Variants in DRC11 observed in about 807,000 individuals in gnomAD.
DRC11 encodes IQ and AAA domain-containing protein 1.
chr2:236,337,865 C>T, the DRC11 span, among the ~76,000 whole-genome samples: 6 of 151,704 alleles, frequency 4.0e-5, no homozygotes, highest in Non-Finnish European at 8.8e-5. The surrounding 1 kb of genome is among the most constrained non-coding windows in gnomAD (Gnocchi z 4.9). Context: ...GAGGAAGACA[C>T]CATCACCATG....
chr2:236,329,307 C>G, the DRC11 span, among the ~76,000 whole-genome samples: 2 of 152,172 alleles, frequency 1.3e-5, no homozygotes, highest in Admixed American at 1.3e-4. Flanking sequence ...ATGTAGACGT[C>G]CTTGAGGGGC....
the DRC11 span, among the ~76,000 whole-genome samples, chr2:236,444,877 G>A: frequency 6.6e-6 from 1 of 152,250 alleles, no homozygotes; most frequent in East Asian, 1.9e-4. Flanking sequence ...GGCAGAGGTT[G>A]CCCTCACGCA....
the DRC11 span, among the ~76,000 whole-genome samples, chr2:236,491,240 T>TATATATATACAC: frequency 9.5e-5 from 5 of 52,534 alleles, no homozygotes; most frequent in Non-Finnish European, 1.8e-4. Flanking sequence ...TATATATATA[T>TATATATATACAC]ACACAGTATA....
the DRC11 span, chr2:236,368,120 G>T: frequency 1.1e-6 from 1 of 870,956 alleles, no homozygotes; most frequent in Non-Finnish European, 1.9e-6. Flanking sequence ...TGACAAACAG[G>T]AACACACTGT....
At chr2:236,486,711 C>A in the DRC11 span, 1 of 715,034 alleles carries the variant, frequency 1.4e-6, no homozygotes, top group East Asian at 2.7e-5. The surrounding 1 kb of genome is among the most constrained non-coding windows in gnomAD (Gnocchi z 5.7). Flanking sequence ...TGACTCCATT[C>A]CATTAAATCA....
At chr2:236,417,538 G>C in the DRC11 span, among the ~76,000 whole-genome samples, 9 of 151,902 alleles carry the variant, frequency 5.9e-5, no homozygotes, top group African/African-American at 1.9e-4. Context: ...ATGCAGACTG[G>C]AGTCACAGCA....
At chr2:236,340,820 C>CAGA in the DRC11 span, among the ~76,000 whole-genome samples, 1 of 152,176 alleles carries the variant, frequency 6.6e-6, no homozygotes, top group East Asian at 1.9e-4. Context: ...AACGTTGATT[C>CAGA]TGGGCAATGT....
chr2:236,348,615 T>C, the DRC11 span, among the ~76,000 whole-genome samples: 1 of 152,190 alleles, frequency 6.6e-6, no homozygotes, highest in East Asian at 1.9e-4. This position sits in a 1 kb window ranked among gnomAD's most constrained non-coding sequence, Gnocchi z 7.4. Context: ...AATTCAGTGC[T>C]TCTCACTGGG....
chr2:236,351,396 A>C, the DRC11 span, among the ~76,000 whole-genome samples: 1 of 152,076 alleles, frequency 6.6e-6, no homozygotes, highest in African/African-American at 2.4e-5. The surrounding 1 kb of genome is among the most constrained non-coding windows in gnomAD (Gnocchi z 7.3). Context: ...AGAAGATCAG[A>C]TGGTCTGGAG....
At chr2:236,465,803 C>T in the DRC11 span, 1 of 788,624 alleles carries the variant, frequency 1.3e-6, no homozygotes, top group Non-Finnish European at 2.1e-6. The surrounding 1 kb of genome is among the most constrained non-coding windows in gnomAD (Gnocchi z 6.2). Context: ...TAATATCTTC[C>T]ATAGTGTCTA....
At chr2:236,426,765 T>G in the DRC11 span, among the ~76,000 whole-genome samples, 2 of 152,180 alleles carry the variant, frequency 1.3e-5, no homozygotes, top group Non-Finnish European at 2.9e-5. This position sits in a 1 kb window ranked among gnomAD's most constrained non-coding sequence, Gnocchi z 4.1. Context: ...CCCTTCCTAT[T>G]TGGATGCCTT....
At chr2:236,498,326 A>G in the DRC11 span, among the ~76,000 whole-genome samples, 1 of 151,876 alleles carries the variant, frequency 6.6e-6, no homozygotes, top group Non-Finnish European at 1.5e-5. Flanking sequence ...TTAGCCAGGC[A>G]TAGTGGCGCC....
chr2:236,468,709 T>G, the DRC11 span, among the ~76,000 whole-genome samples: 2 of 152,238 alleles, frequency 1.3e-5, no homozygotes, highest in Admixed American at 1.3e-4. Context: ...TAAATTCATA[T>G]AGAGACTTTA....
the DRC11 span, among the ~76,000 whole-genome samples, chr2:236,459,689 A>ATACATATACATATATGTATATATATG: frequency 7.7e-6 from 1 of 129,088 alleles, no homozygotes; most frequent in Non-Finnish European, 1.7e-5. Flanking sequence ...ATGTATATAC[A>ATACATATACATATATGTATATATATG]TATATACATA....
At chr2:236,395,778 T>A in the DRC11 span, among the ~76,000 whole-genome samples, 8 of 152,244 alleles carry the variant, frequency 5.3e-5, no homozygotes, top group East Asian at 1.5e-3. Context: ...GTAGGATTTC[T>A]AAATCTTCTG....
chr2:236,459,166 C>T, the DRC11 span, among the ~76,000 whole-genome samples: 3 of 151,974 alleles, frequency 2.0e-5, no homozygotes, highest in Non-Finnish European at 4.4e-5. Flanking sequence ...AAGAAAAAAA[C>T]ACCCAAAAGG....
the DRC11 span, among the ~76,000 whole-genome samples, chr2:236,427,707 G>A: frequency 1.3e-5 from 2 of 151,766 alleles, no homozygotes; most frequent in Admixed American, 6.6e-5. This position sits in a 1 kb window ranked among gnomAD's most constrained non-coding sequence, Gnocchi z 5.9. Context: ...TACTTTTTCT[G>A]TTGTTTTTTT....
chr2:236,354,350 T>TGG, the DRC11 span, among the ~76,000 whole-genome samples: 1 of 152,038 alleles, frequency 6.6e-6, no homozygotes, highest in African/African-American at 2.4e-5. Flanking sequence ...CATGTGTGTG[T>TGG]GTGGGGGGCA....
the DRC11 span, among the ~76,000 whole-genome samples, chr2:236,322,402 TTC>T: frequency 7.0e-6 from 1 of 142,172 alleles, no homozygotes; most frequent in African/African-American, 2.8e-5. Flanking sequence ...ACCCGGCTAA[TTC>T]TTTTTTTCTT....
Sources: allele counts gnomAD v4.1 joint callset (sites outside exome capture counted in the v4.1 genomes callset), GRCh38; gene constraint gnomAD v4.1.1; non-coding constraint Gnocchi (gnomAD v3.1); transcripts MANE v1.5; gene names NCBI Gene and HGNC (gene_info 2026-07-23, HGNC 2026-07-21).